Variants in RCN1 observed in about 807,000 individuals in gnomAD.
RCN1 encodes the protein reticulocalbin-1.
RCN1 carries 14 observed loss-of-function variants against 34.7 expected under a neutral mutation model. The observed-to-expected ratio is 0.40, with a 90% CI of 0.27 to 0.63. The LOEUF (loss-of-function observed/expected upper bound fraction) is 0.63. Among genes scored for constraint, RCN1 ranks in the 30% least tolerant of loss-of-function variants. The probability of loss-of-function intolerance (pLI) is 0.37; values close to 1 mark genes in which losing one functional copy is unlikely to be tolerated. For missense variants in RCN1, 326 were observed against 425.1 expected (o/e 0.77, Z 2.05); for synonymous variants, 125 against 165.5 (o/e 0.76, Z 1.88).
Position 32,091,292 on chromosome 11 carries a change from G to T in RCN1, c.96G>T (p.Thr32=). The T allele has an allele frequency of 1.3e-6, 2 of 1,544,388 alleles. No individual in the cohort carries two copies. Among genetic ancestry groups the T allele is most frequent in the Non-Finnish European group, 1.7e-6 (2 of 1,144,684 alleles). The part of the protein sequence containing the change: ...LAPRVLRAKP[T]VRKERVVRPD... ...CGCGGGTTCTGCGGGCCAAGCCCAC[G>T]GTGCGCAAAGAGCGCGTGGTGCGGC... The change falls in exon 1 of 6, where the codon ACG becomes ACT. Residue 32 remains threonine, a synonymous_variant. Transcript: ENST00000054950.
chr11:32,103,428 A>T lies in RCN1; in HGVS notation c.836A>T (p.Asp279Val). ...CACTGGATCCTCCCTCAAGATTATGATCATGCACAGGCTGAGGCCAGGCAT... is the reference window on the plus strand; with the variant it reads ...CACTGGATCCTCCCTCAAGATTATGTTCATGCACAGGCTGAGGCCAGGCAT... The part of the protein sequence containing the change: ...IRHWILPQDY[D>V]HAQAEARHLV... The change falls in exon 5 of 6, where the codon GAT becomes GTT. Residue 279 changes from aspartate to valine, a missense_variant. Physicochemically the swap from Asp to Val is radical, Grantham distance 152. Transcript: ENST00000054950. 6.2e-7 allele frequency: 1 copy of T among 1,614,004 alleles called. No individual in the cohort carries two copies. The highest frequency in any genetic ancestry group is 1.1e-5 in the South Asian group (1 of 91,088).
intron 1 of RCN1, among the ~76,000 whole-genome samples, chr11:32,093,022 G>A (rs1338500990): frequency 6.6e-6 from 1 of 152,178 alleles, no homozygotes; most frequent in African/African-American, 2.4e-5. Context: ...AGGGGCCATT[G>A]ATGAGTTCAG....
intron 1 of RCN1, among the ~76,000 whole-genome samples, chr11:32,091,965 G>A (rs1851926998): frequency 6.6e-6 from 1 of 152,284 alleles, no homozygotes; most frequent in African/African-American, 2.4e-5. Flanking sequence ...GGTCTCGGCC[G>A]CAGTGGTCTT....
intron 1 of RCN1, among the ~76,000 whole-genome samples, chr11:32,094,158 T>C (rs944229179): frequency 6.6e-6 from 1 of 152,074 alleles, no homozygotes; most frequent in African/African-American, 2.4e-5. Flanking sequence ...AAAGCTTCTG[T>C]TTCAGTGGTC....
intron 1 of RCN1, chr11:32,096,888 T>TA (rs1167292770): frequency 7.6e-6 from 3 of 392,492 alleles, no homozygotes; most frequent in Non-Finnish European, 1.4e-5. Context: ...CCTCTAGGTT[T>TA]ATCAGGACAG....
At chr11:32,094,630 G>A (rs940680328) in intron 1 of RCN1, among the ~76,000 whole-genome samples, 10 of 152,290 alleles carry the variant, frequency 6.6e-5, no homozygotes, top group Middle Eastern at 3.4e-3. Context: ...ACAAACACCC[G>A]AATGGCTACT....
At chr11:32,092,879 A>G (rs1390253410) in intron 1 of RCN1, among the ~76,000 whole-genome samples, 1 of 152,196 alleles carries the variant, frequency 6.6e-6, no homozygotes, top group African/African-American at 2.4e-5. Context: ...GAATATGAGG[A>G]TAAATTATAC....
At chr11:32,097,093 A>G in intron 1 of RCN1, 51 bp from the exon 2 acceptor site, 1 of 1,395,450 alleles carries the variant, frequency 7.2e-7, no homozygotes, top group Non-Finnish European at 9.4e-7. Flanking sequence ...TGATAATATA[A>G]CAGCCTTGTG....
At chr11:32,091,621 C>T in intron 1 of RCN1, 171 bp downstream of exon 1, 1 of 790,514 alleles carries the variant, frequency 1.3e-6, no homozygotes, top group Non-Finnish European at 1.8e-6. Flanking sequence ...TGCTGGAGGG[C>T]CCCGGGACCC....
rs202228198 is a variant in RCN1 at position 32,097,134 on chromosome 11, T to G, written c.255-10T>G. 39 of 1,452,860 alleles carry G rather than the reference T, an allele frequency of 2.7e-5. No homozygotes were observed. Among genetic ancestry groups the G allele is most frequent in the Non-Finnish European group, 3.4e-5 (37 of 1,102,276 alleles). The allele number at this position is 1,452,860 out of a possible 1,614,324, so 90.0% of individuals were successfully genotyped here. ...GTGTGGGTTTCTTTTTTTTTTTTTT[T>G]GTACTGCAGGAAGATTGTTGATCGA... On this transcript the variant is annotated splice_polypyrimidine_tract_variant and intron_variant, in intron 1 of 5. Coordinates refer to ENST00000054950, the MANE Select transcript of RCN1 (RefSeq NM_002901.4).
intron 3 of RCN1, among the ~76,000 whole-genome samples, chr11:32,098,853 A>G (rs927600377): frequency 3.3e-5 from 5 of 152,102 alleles, no homozygotes; most frequent in African/African-American, 4.8e-5. Flanking sequence ...TGTAGCTTCA[A>G]AGTCATCCTG....
intron 4 of RCN1, chr11:32,102,508 T>C (rs1852057220): frequency 6.5e-6 from 1 of 152,694 alleles, no homozygotes; most frequent in South Asian, 2.1e-4. Context: ...CAAGAGCTAC[T>C]GACACACACA....
intron 3 of RCN1, among the ~76,000 whole-genome samples, chr11:32,099,525 G>A (rs1264503047): frequency 1.3e-5 from 2 of 152,192 alleles, no homozygotes; most frequent in African/African-American, 4.8e-5. Flanking sequence ...GGTGGATCAG[G>A]CCCTAGGCTT....
intron 4 of RCN1, among the ~76,000 whole-genome samples, chr11:32,101,805 C>T (rs766775736): frequency 1.3e-5 from 2 of 152,144 alleles, no homozygotes; most frequent in Non-Finnish European, 2.9e-5. Context: ...CGTTCGGAGG[C>T]GCAGACCTCT....
chr11:32,103,589 T>C, intron 5 of RCN1, 109 bp downstream of exon 5: 1 of 931,978 alleles, frequency 1.1e-6, no homozygotes. Flanking sequence ...ATGTCTTTAT[T>C]GACTTTTCCT....
chr11:32,091,549 A>T, intron 1 of RCN1, 99 bp downstream of exon 1: 3 of 1,444,202 alleles, frequency 2.1e-6, no homozygotes, highest in Non-Finnish European at 2.8e-6. Flanking sequence ...CGAAAGCGAA[A>T]TCGCGCGCGC....
intron 2 of RCN1, 98 bp downstream of exon 2, chr11:32,097,435 GA>G: frequency 3.7e-6 from 3 of 821,204 alleles, no homozygotes; most frequent in Non-Finnish European, 5.3e-6. Context: ...CCTTCAGGGA[GA>G]TGTCACAGCC....
rs1016552638 is a variant in RCN1 at position 32,103,352 on chromosome 11, G to A, written c.760G>A (p.Glu254Lys). The A allele has an allele frequency of 5.0e-6, 8 of 1,613,640 alleles. No individual in the cohort carries two copies. The highest frequency in any genetic ancestry group is 2.2e-5 in the East Asian group (1 of 44,880). The part of the protein sequence containing the change: ...WVLSEREQFN[E>K]FRDLNKDGKL... ...TTTATCAGAACGGGAGCAGTTTAAC[G>A]AATTCCGGGATCTGAACAAGGACGG... The change falls in exon 5 of 6, where the codon GAA (glutamate) becomes AAA (lysine). Residue 254 changes from glutamate (E) to lysine (K), a missense_variant. By Grantham distance (56) the Glu-to-Lys change is moderately conservative (BLOSUM62 1). Coordinates refer to ENST00000054950, the MANE Select transcript of RCN1 (RefSeq NM_002901.4).
At chr11:32,091,483 G>T in intron 1 of RCN1, 33 bp downstream of exon 1, 1 of 1,532,146 alleles carries the variant, frequency 6.5e-7, no homozygotes. Context: ...GTGGGGGGCG[G>T]CGCAGGTGTC....
Sources: gnomAD v4.1 joint callset for allele counts (sites outside exome capture counted in the v4.1 genomes callset) on GRCh38, gnomAD v4.1.1 for gene constraint, MANE v1.5 for transcripts, NCBI Gene and HGNC (gene_info 2026-07-23, HGNC 2026-07-21) for gene names.